The following ANO4 variants were observed in gnomAD, a reference collection of about 807,000 sequenced individuals.
ANO4 encodes the protein anoctamin-4.
A neutral mutation model predicts 141.9 loss-of-function variants in ANO4; 69 were observed. The observed-to-expected ratio is 0.49, with a 90% CI of 0.40 to 0.59. The LOEUF (loss-of-function observed/expected upper bound fraction) is 0.59. Ranked by LOEUF, ANO4 falls within the 20% of genes least tolerant of loss-of-function variation. ANO4 has a pLI of 0.00. For missense variants in ANO4, 894 were observed against 1,162.2 expected (o/e 0.77, Z 3.36); for synonymous variants, 350 against 394.3 (o/e 0.89, Z 1.33).
intron 2 of ANO4, among the ~76,000 whole-genome samples, chr12:100,908,391 T>TTA: frequency 6.6e-6 from 1 of 152,244 alleles, no homozygotes; most frequent in South Asian, 2.1e-4. Context: ...TCACTTTACT[T>TTA]ATCTACCCAT....
chr12:101,073,298 C>T (rs2136815612), intron 14 of ANO4, among the ~76,000 whole-genome samples: 1 of 152,176 alleles, frequency 6.6e-6, no homozygotes, highest in East Asian at 1.9e-4. Context: ...TGGAAACCAT[C>T]ATTCTCAGCA....
chr12:101,079,340 C>G (rs200663053), intron 15 of ANO4, 65 bp downstream of exon 15: 1 of 1,247,718 alleles, frequency 8.0e-7, no homozygotes, highest in South Asian at 1.3e-5. Flanking sequence ...GACCCCCCCC[C>G]AAAATTGTCA....
intron 3 of ANO4, among the ~76,000 whole-genome samples, chr12:100,757,908 G>A (rs1021041004): frequency 2.0e-5 from 3 of 151,666 alleles, no homozygotes; most frequent in African/African-American, 4.9e-5. Flanking sequence ...TACTCTTTTC[G>A]CCCATCTGCT....
intron 24 of ANO4, among the ~76,000 whole-genome samples, chr12:101,113,692 G>A (rs1446904839): frequency 3.3e-5 from 5 of 152,128 alleles, no homozygotes; most frequent in Non-Finnish European, 5.9e-5. Context: ...GAACTCATAA[G>A]AGTAGCAGAA....
intron 2 of ANO4, among the ~76,000 whole-genome samples, chr12:100,905,547 G>A (rs1406660158): frequency 6.6e-6 from 1 of 152,172 alleles, no homozygotes; most frequent in African/African-American, 2.4e-5. Flanking sequence ...GGAGGTCAAT[G>A]GTGATTTTGA....
At chr12:100,848,573 T>C (rs1380524093) in intron 1 of ANO4, among the ~76,000 whole-genome samples, 3 of 152,216 alleles carry the variant, frequency 2.0e-5, no homozygotes, top group African/African-American at 7.2e-5. Context: ...TTGAAACCCT[T>C]TGTGAGTCTT....
intron 8 of ANO4, among the ~76,000 whole-genome samples, chr12:100,997,710 T>G (rs1178993555): frequency 1.3e-5 from 2 of 152,058 alleles, no homozygotes; most frequent in Admixed American, 6.6e-5. Flanking sequence ...AGAAACGTAG[T>G]AACTCATGTG....
intron 1 of ANO4, among the ~76,000 whole-genome samples, chr12:100,867,612 T>TCACACA (rs35222532): frequency 1.7e-3 from 250 of 149,970 alleles, no homozygotes; most frequent in African/African-American, 5.9e-3. Flanking sequence ...TCTCTCTCTC[T>TCACACA]CACACACACA....
At position 100,868,259 on chromosome 12, in the gene ANO4, C is replaced by T. The variant is rs941167671; in HGVS notation, c.-140-33387C>T. 1.1e-4 allele frequency among the ~76,000 whole-genome samples: 17 copies of T among 152,280 alleles called. No individual in the cohort carries two copies. The South Asian group carries it at 2.9e-3, about 26-fold the overall frequency. On this transcript the variant is annotated intron_variant, in intron 1 of 27. Coordinates refer to ENST00000392977, the MANE Select transcript of ANO4 (RefSeq NM_001286615.2). ...CATTGTTGGGTCCCTCTCAAAGACACCCAGCCACTTTCTCTATTGAGAGGC... is the reference window on the plus strand; with the variant it reads ...CATTGTTGGGTCCCTCTCAAAGACATCCAGCCACTTTCTCTATTGAGAGGC...
At chr12:100,934,869 C>T (rs1566028225) in intron 3 of ANO4, among the ~76,000 whole-genome samples, 1 of 152,132 alleles carries the variant, frequency 6.6e-6, no homozygotes, top group Non-Finnish European at 1.5e-5. Flanking sequence ...AATGGGAGTT[C>T]AGTCACGATT....
At chr12:100,843,073 A>G (rs1474092514) in intron 1 of ANO4, among the ~76,000 whole-genome samples, 1 of 152,104 alleles carries the variant, frequency 6.6e-6, no homozygotes, top group African/African-American at 2.4e-5. Context: ...GGAGCTGTTA[A>G]TCTTCTTTTA....
At chr12:101,074,310 C>T (rs977044744) in intron 14 of ANO4, among the ~76,000 whole-genome samples, 2 of 152,292 alleles carry the variant, frequency 1.3e-5, no homozygotes, top group South Asian at 4.2e-4. Context: ...AGCTGTTTCC[C>T]ATAACCCCAG....
At chr12:100,881,045 C>T (rs543168559) in intron 1 of ANO4, among the ~76,000 whole-genome samples, 46 of 150,338 alleles carry the variant, frequency 3.1e-4, no homozygotes, top group African/African-American at 1.0e-3. Context: ...TTTGTCCTTG[C>T]GATAGTTTGC....
chr12:100,892,974 A>G (rs1475424126), intron 1 of ANO4, among the ~76,000 whole-genome samples: 1 of 152,126 alleles, frequency 6.6e-6, no homozygotes, highest in Admixed American at 6.5e-5. Context: ...TGTGATAGGC[A>G]TGAAATAAGA....
chr12:101,119,045 A>T (rs1253014928), intron 25 of ANO4, among the ~76,000 whole-genome samples: 1 of 151,830 alleles, frequency 6.6e-6, no homozygotes, highest in Non-Finnish European at 1.5e-5. Flanking sequence ...AAGGACATGA[A>T]CTCATCCTTT....
chr12:100,763,896 G>A (rs1337970163), intron 3 of ANO4, among the ~76,000 whole-genome samples: 1 of 151,676 alleles, frequency 6.6e-6, no homozygotes, highest in Non-Finnish European at 1.5e-5. Context: ...TAAACAAAAG[G>A]CCTAGGAACC....
intron 1 of ANO4, among the ~76,000 whole-genome samples, chr12:100,877,035 T>C (rs558686704): frequency 1.6e-4 from 25 of 152,212 alleles, no homozygotes; most frequent in African/African-American, 6.0e-4. Flanking sequence ...AGACAAATAC[T>C]GCATGATCTC....
chr12:101,019,912 A>G (rs2046455175), intron 8 of ANO4, 122 bp from the exon 9 acceptor site: 1 of 756,542 alleles, frequency 1.3e-6, no homozygotes, highest in African/African-American at 1.8e-5. Context: ...AGGCTGTTCC[A>G]GACACACCCT....
intron 5 of ANO4, among the ~76,000 whole-genome samples, chr12:100,952,111 A>G (rs145172668): frequency 6.6e-6 from 1 of 152,320 alleles, no homozygotes; most frequent in East Asian, 1.9e-4. Flanking sequence ...TCCATGGTCA[A>G]CCAACTTATT....
Sources: gnomAD v4.1 joint callset for allele counts (sites outside exome capture counted in the v4.1 genomes callset) on GRCh38, gnomAD v4.1.1 for gene constraint, MANE v1.5 for transcripts, NCBI Gene and HGNC (gene_info 2026-07-23, HGNC 2026-07-21) for gene names.